Variants in LYN observed in about 807,000 individuals in gnomAD.
The protein encoded by LYN is tyrosine-protein kinase Lyn.
LYN carries 12 observed loss-of-function variants against 65.0 expected under a neutral mutation model. That is an observed-to-expected ratio of 0.18 (90% CI 0.12 to 0.30). LYN has a LOEUF of 0.30. Among genes scored for constraint, LYN ranks in the 10% least tolerant of loss-of-function variants. LYN has a pLI of 1.00. For synonymous variants in LYN, 222 were observed against 221.2 expected (o/e 1.00, Z -0.03); for missense variants, 380 against 623.2 (o/e 0.61, Z 4.16).
Position 55,950,744 on chromosome 8 carries a change from C to A in LYN, c.447C>A (p.Ser149Arg). The change falls in exon 6 of 13, where the codon AGC becomes AGA. Residue 149 changes from serine to arginine, a missense_variant. Physicochemically the swap from Ser to Arg is moderately radical, Grantham distance 110. This residue lies in a region of LYN where 157 missense variants were observed against 193.2 expected (regional missense o/e 0.81). Transcript: ENST00000519728. Reference sequence around the variant, plus strand: ...GGCAGCTTTTGGCACCAGGAAATAGCGCTGGAGCTTTCCTTATTAGAGAAA... The same window carrying A: ...GGCAGCTTTTGGCACCAGGAAATAGAGCTGGAGCTTTCCTTATTAGAGAAA... ...AERQLLAPGN[S>R]AGAFLIRESE... 1 of 1,613,834 alleles carries A rather than the reference C, an allele frequency of 6.2e-7. No homozygotes were observed. Among genetic ancestry groups the A allele is most frequent in the Non-Finnish European group, 8.5e-7 (1 of 1,179,770 alleles).
chr8:55,970,142 A>C (rs1414303439), intron 10 of LYN, among the ~76,000 whole-genome samples: 1 of 152,196 alleles, frequency 6.6e-6, no homozygotes, highest in African/African-American at 2.4e-5. Flanking sequence ...CTTTTAAATG[A>C]TGCGTATGTT....
At chr8:55,914,149 A>G (rs1805719728) in intron 1 of LYN, among the ~76,000 whole-genome samples, 1 of 151,776 alleles carries the variant, frequency 6.6e-6, no homozygotes, top group Non-Finnish European at 1.5e-5. Flanking sequence ...AAGAGGGAAT[A>G]TGAATGGCAT....
chr8:55,920,738 C>G (rs1554577188), intron 1 of LYN, among the ~76,000 whole-genome samples: 1 of 151,908 alleles, frequency 6.6e-6, no homozygotes, highest in Non-Finnish European at 1.5e-5. Flanking sequence ...TGGCATAAAT[C>G]TTGGCTCACT....
At chr8:55,901,309 C>G (rs969060047) in intron 1 of LYN, among the ~76,000 whole-genome samples, 1 of 152,220 alleles carries the variant, frequency 6.6e-6, no homozygotes, top group Non-Finnish European at 1.5e-5. Flanking sequence ...CCTTTCATTA[C>G]TGAGGCTGTC....
intron 12 of LYN, among the ~76,000 whole-genome samples, chr8:55,999,839 C>T (rs534190183): frequency 1.8e-4 from 27 of 152,034 alleles, no homozygotes; most frequent in South Asian, 4.2e-4. Context: ...GGCATGGTGA[C>T]GCATGCCTGT....
intron 1 of LYN, among the ~76,000 whole-genome samples, chr8:55,898,199 C>G (rs575857926): frequency 1.6e-4 from 25 of 152,152 alleles, no homozygotes; most frequent in African/African-American, 5.5e-4. Context: ...TTGTCTGTCC[C>G]CATTGTTTTG....
At chr8:55,957,614 T>G (rs1807158132) in intron 8 of LYN, among the ~76,000 whole-genome samples, 1 of 152,174 alleles carries the variant, frequency 6.6e-6, no homozygotes, top group African/African-American at 2.4e-5. Flanking sequence ...TCCAACTGCT[T>G]GAGTGAATTA....
chr8:55,887,545 T>A (rs1804831048), intron 1 of LYN, among the ~76,000 whole-genome samples: 1 of 106,586 alleles, frequency 9.4e-6, no homozygotes. Flanking sequence ...ATAAATCCCA[T>A]ATAAAAATAT....
At position 55,998,326 on chromosome 8, in the gene LYN, G is replaced by T. The variant is rs1266566520; in HGVS notation, c.1051-20G>T. 5.6e-6 allele frequency: 9 copies of T among 1,597,256 alleles called. No individual in the cohort carries two copies. The highest frequency in any genetic ancestry group is 7.7e-6 in the Non-Finnish European group (9 of 1,165,966). ...TCACCTACCCTACATATGAAAATGG[G>T]AGCCTATTTCTGTTTTCAGATTGCA... On this transcript the variant is annotated intron_variant, in intron 10 of 12. Coordinates refer to ENST00000519728, the MANE Select transcript of LYN (RefSeq NM_002350.4).
chr8:55,913,339 A>G (rs1002834645), intron 1 of LYN, among the ~76,000 whole-genome samples: 23 of 152,232 alleles, frequency 1.5e-4, no homozygotes, highest in African/African-American at 5.3e-4. Flanking sequence ...AATTACCTAT[A>G]TTGTTTGCTA....
intron 1 of LYN, among the ~76,000 whole-genome samples, chr8:55,901,161 C>G (rs1805249826): frequency 1.3e-5 from 2 of 151,754 alleles, no homozygotes; most frequent in African/African-American, 4.8e-5. Context: ...CTTTTTTTTC[C>G]CTCTCCTTCC....
chr8:55,983,406 C>T (rs576906022), intron 10 of LYN, among the ~76,000 whole-genome samples: 6 of 152,332 alleles, frequency 3.9e-5, no homozygotes, highest in African/African-American at 1.4e-4. Flanking sequence ...CTGCACTTCC[C>T]ATAGGAATCA....
At position 55,896,434 on chromosome 8, in the gene LYN, C is replaced by T. The variant is rs1336280924; in HGVS notation, c.-6+16331C>T. 4.0e-5 allele frequency among the ~76,000 whole-genome samples: 6 copies of T among 151,770 alleles called. No homozygotes were observed. In the East Asian group the frequency reaches 1.2e-3, roughly 29 times the overall value. ...AAACCAAACACGGCATGTTCTTACT[C>T]ATAAGTGGGAGCTGAACAATGAGAA... On this transcript the variant is annotated intron_variant, in intron 1 of 12. Coordinates refer to ENST00000519728, the MANE Select transcript of LYN (RefSeq NM_002350.4).
chr8:55,932,543 C>A (rs955969289), intron 1 of LYN, among the ~76,000 whole-genome samples: 1 of 152,070 alleles, frequency 6.6e-6, no homozygotes, highest in East Asian at 1.9e-4. Context: ...TGCCTCAGCT[C>A]CTGAGTAGCT....
At chr8:56,003,526 G>T (rs116347210) in intron 12 of LYN, among the ~76,000 whole-genome samples, 1 of 151,992 alleles carries the variant, frequency 6.6e-6, no homozygotes, top group Non-Finnish European at 1.5e-5. Flanking sequence ...AAATTAGCCC[G>T]GCGTGGTGGC....
chr8:55,947,577 C>G (rs778759820), intron 3 of LYN, 41 bp from the exon 4 acceptor site: 1 of 1,438,170 alleles, frequency 7.0e-7, no homozygotes, highest in Non-Finnish European at 9.8e-7. Flanking sequence ...AACGCTTCTG[C>G]TGATGGATTC....
intron 2 of LYN, among the ~76,000 whole-genome samples, chr8:55,945,632 G>A (rs1585625931): frequency 2.0e-5 from 3 of 152,208 alleles, no homozygotes; most frequent in Non-Finnish European, 4.4e-5. Context: ...GAGGCCCAGA[G>A]GCCTCACACA....
At chr8:55,922,456 A>G (rs1350381560) in intron 1 of LYN, among the ~76,000 whole-genome samples, 3 of 151,812 alleles carry the variant, frequency 2.0e-5, no homozygotes, top group Non-Finnish European at 4.4e-5. Context: ...CAGGTAAATA[A>G]TAGGTAGAAG....
At chr8:55,947,507 C>T in intron 3 of LYN, 111 bp from the exon 4 acceptor site, 1 of 750,898 alleles carries the variant, frequency 1.3e-6, no homozygotes, top group Non-Finnish European at 2.4e-6. Flanking sequence ...ACATGTCCTT[C>T]TTCCAGTTGC....
Sources: allele counts gnomAD v4.1 joint callset (sites outside exome capture counted in the v4.1 genomes callset), GRCh38; gene constraint gnomAD v4.1.1; regional missense constraint gnomAD v4.1.1; transcripts MANE v1.5; gene names NCBI Gene and HGNC (gene_info 2026-07-23, HGNC 2026-07-21).